Variants in RYR3 observed in about 807,000 individuals in gnomAD.
RYR3 encodes the protein ryanodine receptor 3.
In RYR3, 207 loss-of-function variants were observed where a neutral mutation model predicts 584.3. The ratio of observed to expected loss-of-function variants is 0.35; its 90% CI spans 0.32 to 0.40. RYR3 has a LOEUF of 0.40. RYR3 is among the 10% of genes least tolerant of loss of function. The probability of loss-of-function intolerance (pLI) is 1.00; values close to 1 mark genes in which losing one functional copy is unlikely to be tolerated. For synonymous variants in RYR3, 2,416 were observed against 2,248.5 expected, an observed-to-expected ratio of 1.07 and a Z score of -2.11; for missense variants, 5,616 against 6,089.2, an observed-to-expected ratio of 0.92 and a Z score of 2.59.
At chr15:33,789,421 A>G (rs2152915137) in intron 67 of RYR3, among the ~76,000 whole-genome samples, 1 of 151,162 alleles carries the variant, frequency 6.6e-6, no homozygotes, top group African/African-American at 2.4e-5. Flanking sequence ...GATCCATAGA[A>G]ACTGAAAGTG....
At chr15:33,562,227 T>C (rs550280006) in intron 10 of RYR3, among the ~76,000 whole-genome samples, 1 of 152,208 alleles carries the variant, frequency 6.6e-6, no homozygotes, top group East Asian at 1.9e-4. Flanking sequence ...AATGAAACAG[T>C]GACAACTGAA....
intron 14 of RYR3, among the ~76,000 whole-genome samples, chr15:33,583,252 T>A (rs184652448): frequency 1.3e-5 from 2 of 152,296 alleles, no homozygotes; most frequent in East Asian, 3.9e-4. Flanking sequence ...TAGGGATATA[T>A]TTTAGATATT....
Position 33,736,831 on chromosome 15 carries a change from C to A in RYR3, c.7515+506C>A, listed in dbSNP as rs570996785. Among the ~76,000 whole-genome samples, 11 of 152,218 alleles carry A rather than the reference C, an allele frequency of 7.2e-5. 1 individual carries two copies. Among genetic ancestry groups the A allele is most frequent in the African/African-American group, 2.6e-4 (11 of 41,538 alleles). ...TGGTGAGATCTCAGCTCACTGCAAC[C>A]TCTACCTCCCAGGTTCAAGCAATTC... On this transcript the variant is annotated intron_variant, in intron 49 of 103. Transcript: ENST00000634891.
intron 46 of RYR3, among the ~76,000 whole-genome samples, chr15:33,727,012 A>G (rs922937054): frequency 4.6e-5 from 7 of 152,190 alleles, no homozygotes; most frequent in Admixed American, 6.5e-5. Context: ...CTGTCCTCCT[A>G]TGAGCATGCC....
intron 1 of RYR3, among the ~76,000 whole-genome samples, chr15:33,421,953 C>G (rs1300391648): frequency 6.6e-6 from 1 of 152,152 alleles, no homozygotes; most frequent in East Asian, 1.9e-4. Context: ...TCAAATTACT[C>G]ATTTTTTGAG....
rs201954117 is a variant in RYR3 at position 33,660,354 on chromosome 15, G to A, written c.4553G>A (p.Arg1518His). The A allele has an allele frequency of 1.2e-4, 191 of 1,591,866 alleles. No individual in the cohort carries two copies. The highest frequency in any genetic ancestry group is 3.2e-4 in the East Asian group (14 of 43,674). Residue 1518 changes from arginine (R) to histidine (H), a missense_variant, in exon 34 of 104, where the codon CGC becomes CAC. Transcript: ENST00000634891. ...GTGGAGACCGAGCGTGTGAGCGAGC[G>A]CCACGGCTGGGTGGTGCAGTGCCTG... The part of the protein sequence containing the change: ...LKVETERVSE[R>H]HGWVVQCLEP...
chr15:33,625,868 G>C (rs549801454), intron 20 of RYR3, among the ~76,000 whole-genome samples: 1 of 152,320 alleles, frequency 6.6e-6, no homozygotes, highest in East Asian at 1.9e-4. Flanking sequence ...CTTTTGGGGG[G>C]CTCTTTTTTT....
intron 1 of RYR3, among the ~76,000 whole-genome samples, chr15:33,395,153 T>A (rs1263902232): frequency 6.6e-6 from 1 of 152,182 alleles, no homozygotes; most frequent in East Asian, 1.9e-4. Context: ...TACACAAAGA[T>A]GGTGTGTGAT....
chr15:33,660,932 G>A (rs768883517), intron 34 of RYR3, among the ~76,000 whole-genome samples: 8 of 152,126 alleles, frequency 5.3e-5, no homozygotes, highest in Non-Finnish European at 7.3e-5. Flanking sequence ...AAGGGTTTCT[G>A]GGAGGAAAAT....
chr15:33,437,042 T>C (rs1180169373), intron 1 of RYR3, among the ~76,000 whole-genome samples: 1 of 152,162 alleles, frequency 6.6e-6, no homozygotes, highest in Non-Finnish European at 1.5e-5. Flanking sequence ...CATCACTTAT[T>C]GTAATGATTT....
Position 33,701,048 on chromosome 15 carries a change from G to A in RYR3, c.6451G>A (p.Ala2151Thr). The A allele has an allele frequency of 6.2e-7, 1 of 1,613,364 alleles. No individual in the cohort carries two copies. Among genetic ancestry groups the A allele is most frequent in the Non-Finnish European group, 8.5e-7 (1 of 1,179,678 alleles). ...CTCTGTGATGGACAACAATGAGTTA[G>A]CGCTGAGCTTAGAGGAACCAGACCT... Reference protein sequence around the residue: ...ASSVMDNNELALSLEEPDLEK... With the variant: ...ASSVMDNNELTLSLEEPDLEK... Residue 2151 changes from alanine (A) to threonine (T), a missense_variant, in exon 42 of 104, where the codon GCG becomes ACG. Coordinates refer to ENST00000634891, the MANE Select transcript of RYR3 (RefSeq NM_001036.6).
intron 1 of RYR3, among the ~76,000 whole-genome samples, chr15:33,440,917 T>C (rs765828364): frequency 6.6e-6 from 1 of 152,210 alleles, no homozygotes; most frequent in Non-Finnish European, 1.5e-5. Flanking sequence ...GTGAGAGTAT[T>C]TGTGCTAAGA....
chr15:33,493,164 C>G (rs201365824), intron 2 of RYR3, among the ~76,000 whole-genome samples: 1 of 151,530 alleles, frequency 6.6e-6, no homozygotes, highest in Non-Finnish European at 1.5e-5. Context: ...CCCCATCTCT[C>G]TGTTTCTGCC....
At chr15:33,710,781 G>C (rs187654014) in intron 43 of RYR3, among the ~76,000 whole-genome samples, 91 of 152,356 alleles carry the variant, frequency 6.0e-4, no homozygotes, top group Non-Finnish European at 1.1e-3. Context: ...GTTATGGCTT[G>C]CATTCTCCAA....
intron 72 of RYR3, 67 bp from the exon 73 acceptor site, chr15:33,812,796 C>G (rs777228739): frequency 2.3e-5 from 35 of 1,543,286 alleles, no homozygotes; most frequent in Non-Finnish European, 2.9e-5. Context: ...ATGGTAGGAC[C>G]AAAAGGCTTC....
chr15:33,419,389 G>T (rs1023476557), intron 1 of RYR3, among the ~76,000 whole-genome samples: 1 of 152,220 alleles, frequency 6.6e-6, no homozygotes, highest in African/African-American at 2.4e-5. Context: ...CATTTCAGGT[G>T]GAAAAGTTGG....
intron 5 of RYR3, among the ~76,000 whole-genome samples, chr15:33,535,246 A>G (rs987313338): frequency 2.6e-5 from 4 of 152,112 alleles, no homozygotes; most frequent in Admixed American, 2.6e-4. Flanking sequence ...AATTTTATAG[A>G]TCTAGAAAAA....
At chr15:33,650,360 A>T (rs1247793172) in intron 31 of RYR3, among the ~76,000 whole-genome samples, 1 of 152,102 alleles carries the variant, frequency 6.6e-6, no homozygotes, top group Non-Finnish European at 1.5e-5. Context: ...CTGGCAACAG[A>T]GCAAGTCTCT....
At chr15:33,606,509 G>T (rs2059913375) in intron 18 of RYR3, among the ~76,000 whole-genome samples, 1 of 152,160 alleles carries the variant, frequency 6.6e-6, no homozygotes, top group Non-Finnish European at 1.5e-5. Context: ...CTCTGTGTAG[G>T]GGAGAAGCAG....
Sources: allele counts gnomAD v4.1 joint callset (sites outside exome capture counted in the v4.1 genomes callset), GRCh38; gene constraint gnomAD v4.1.1; transcripts MANE v1.5; gene names NCBI Gene and HGNC (gene_info 2026-07-23, HGNC 2026-07-21).